Variants in TMC1 observed in about 807,000 individuals in gnomAD.
TMC1 encodes the protein transmembrane channel-like protein 1.
In TMC1, 84 loss-of-function variants were observed where a neutral mutation model predicts 105.8. The observed-to-expected ratio is 0.79, with a 90% CI of 0.67 to 0.95. The LOEUF (loss-of-function observed/expected upper bound fraction) is 0.95. Ranked by LOEUF, TMC1 falls within the 40% of genes least tolerant of loss-of-function variation. The probability of loss-of-function intolerance (pLI) is 0.00; values close to 1 mark genes in which losing one functional copy is unlikely to be tolerated. For synonymous variants in TMC1, 315 were observed against 311.5 expected, an observed-to-expected ratio of 1.01 and a Z score of -0.12; for missense variants, 817 against 914.1, an observed-to-expected ratio of 0.89 and a Z score of 1.37.
intron 5 of TMC1, among the ~76,000 whole-genome samples, chr9:72,686,139 A>G (rs986015174): frequency 1.3e-5 from 2 of 152,182 alleles, no homozygotes; most frequent in African/African-American, 2.4e-5. Flanking sequence ...TTAACTACAC[A>G]TACTTCAATG....
rs141217320 is a variant in TMC1, at chr9:72,734,773, T to G, written c.363-5346T>G. Among the ~76,000 whole-genome samples, 8 of 152,326 alleles carry G rather than the reference T, an allele frequency of 5.3e-5. No individual in the cohort carries two copies. The East Asian group carries it at 1.5e-3, about 29-fold the overall frequency. ...ATTACAGTTGCCTAAACACCAGTTT[T>G]GAAATGTCTTTCATTTGCTTGAGCA... On this transcript the variant is annotated intron_variant, in intron 8 of 23. Transcript: ENST00000297784.
intron 8 of TMC1, among the ~76,000 whole-genome samples, chr9:72,702,086 A>G (rs1826655161): frequency 6.6e-6 from 1 of 152,194 alleles, no homozygotes; most frequent in South Asian, 2.1e-4. Context: ...TTACCTGGCA[A>G]AATAGAAGTT....
chr9:72,817,205 G>A (rs1030416139), intron 19 of TMC1: 2 of 152,084 alleles, frequency 1.3e-5, no homozygotes, highest in African/African-American at 4.8e-5. Flanking sequence ...GTCCTGCCAT[G>A]GGATGACTGT....
At chr9:72,740,460 T>C (rs1827369692) in intron 9 of TMC1, among the ~76,000 whole-genome samples, 1 of 152,214 alleles carries the variant, frequency 6.6e-6, no homozygotes, top group Non-Finnish European at 1.5e-5. Context: ...TGTGTGACTT[T>C]AGCACTTCCA....
intron 10 of TMC1, among the ~76,000 whole-genome samples, chr9:72,748,493 G>C (rs531666634): frequency 6.6e-6 from 1 of 152,088 alleles, no homozygotes; most frequent in East Asian, 1.9e-4. Flanking sequence ...TAAAGTTCTT[G>C]GAACACATAA....
At chr9:72,739,976 A>G (rs1204215728) in intron 8 of TMC1, 143 bp from the exon 9 acceptor site, 1 of 635,330 alleles carries the variant, frequency 1.6e-6, no homozygotes, top group African/African-American at 1.8e-5. Flanking sequence ...TTTCTAGGTT[A>G]TGAAATACAG....
chr9:72,745,651 T>C (rs1475262116), intron 10 of TMC1, among the ~76,000 whole-genome samples: 1 of 152,130 alleles, frequency 6.6e-6, no homozygotes, highest in East Asian at 1.9e-4. Flanking sequence ...GAATATATTA[T>C]TAGAGCACTG....
At chr9:72,547,080 A>C (rs1347537462) in intron 1 of TMC1, among the ~76,000 whole-genome samples, 2 of 152,134 alleles carry the variant, frequency 1.3e-5, no homozygotes, top group African/African-American at 2.4e-5. Context: ...TGAGGTCAGG[A>C]GTTTGAGACC....
At chr9:72,583,021 G>T (rs1194185189) in intron 2 of TMC1, among the ~76,000 whole-genome samples, 1 of 152,184 alleles carries the variant, frequency 6.6e-6, no homozygotes, top group Non-Finnish European at 1.5e-5. Context: ...AGGAGTTTGA[G>T]ACCAGCCTGG....
intron 8 of TMC1, among the ~76,000 whole-genome samples, chr9:72,703,845 G>T (rs137911146): frequency 4.6e-5 from 7 of 152,194 alleles, no homozygotes; most frequent in African/African-American, 7.2e-5. Flanking sequence ...CCTTGTGGCC[G>T]CACCTATGGG....
At position 72,565,706 on chromosome 9, in the gene TMC1, C is replaced by G. The variant is rs1157172514; in HGVS notation, c.-427-12196C>G. The stretch of plus-strand genomic sequence containing the variant: ...CACCGTTCCACATGGCTGTGGAGGC[C>G]TCACAATCATGGTGGAAGGTGAAGG... On this transcript the variant is annotated intron_variant, in intron 1 of 23. Coordinates refer to ENST00000297784, the MANE Select transcript of TMC1 (RefSeq NM_138691.3). Among the ~76,000 whole-genome samples, 4 of 152,096 alleles carry G rather than the reference C, an allele frequency of 2.6e-5. No homozygotes were observed. The East Asian group carries it at 7.7e-4, about 29-fold the overall frequency.
intron 13 of TMC1, among the ~76,000 whole-genome samples, chr9:72,779,831 C>T (rs1044045656): frequency 6.6e-6 from 1 of 152,154 alleles, no homozygotes; most frequent in Admixed American, 6.5e-5. Flanking sequence ...GCAAGTTAGA[C>T]AACATATTTG....
At chr9:72,653,717 G>A (rs565941500) in intron 5 of TMC1, among the ~76,000 whole-genome samples, 35 of 152,054 alleles carry the variant, frequency 2.3e-4, no homozygotes, top group South Asian at 6.2e-4. Flanking sequence ...GATTTCCGCC[G>A]CCTCAAAATG....
At chr9:72,676,163 G>T (rs746496861) in intron 5 of TMC1, among the ~76,000 whole-genome samples, 2 of 152,154 alleles carry the variant, frequency 1.3e-5, no homozygotes, top group Admixed American at 1.3e-4. Context: ...AGACATTGGC[G>T]TTGGAGTTAA....
At chr9:72,826,743 C>A in intron 20 of TMC1, 126 bp from the exon 21 acceptor site, 1 of 995,392 alleles carries the variant, frequency 1.0e-6, no homozygotes, top group Non-Finnish European at 1.6e-6. Context: ...TGTAGCTAAA[C>A]ATCAGATTCC....
chr9:72,817,631 C>T (rs1448158056), intron 19 of TMC1, among the ~76,000 whole-genome samples: 1 of 152,066 alleles, frequency 6.6e-6, no homozygotes, highest in African/African-American at 2.4e-5. Context: ...TGCTGCACGT[C>T]GATTGTGTTC....
At chr9:72,660,475 G>C (rs1825955571) in intron 5 of TMC1, among the ~76,000 whole-genome samples, 1 of 152,146 alleles carries the variant, frequency 6.6e-6, no homozygotes, top group Non-Finnish European at 1.5e-5. Flanking sequence ...ATTCAAAGAA[G>C]AGAGGAGTTT....
At chr9:72,576,649 C>T (rs1824386977) in intron 1 of TMC1, among the ~76,000 whole-genome samples, 1 of 128,466 alleles carries the variant, frequency 7.8e-6, no homozygotes, top group African/African-American at 3.1e-5. Context: ...TTTTTTTAGA[C>T]GGAGTCTTGC....
chr9:72,542,026 A>C (rs1343196629), intron 1 of TMC1, among the ~76,000 whole-genome samples: 2 of 152,036 alleles, frequency 1.3e-5, no homozygotes, highest in African/African-American at 4.8e-5. Context: ...CTAGAGCCAA[A>C]GAATTTGACC....
Sources: gnomAD v4.1 joint callset for allele counts (sites outside exome capture counted in the v4.1 genomes callset) on GRCh38, gnomAD v4.1.1 for gene constraint, MANE v1.5 for transcripts, NCBI Gene and HGNC (gene_info 2026-07-23, HGNC 2026-07-21) for gene names.